STUM: variants seen among roughly 807,000 people sequenced by gnomAD.
STUM encodes the protein stum, mechanosensory transduction mediator homolog.
A neutral mutation model predicts 15.3 loss-of-function variants in STUM; 8 were observed. That is an observed-to-expected ratio of 0.52 (90% confidence interval 0.31 to 0.94). The LOEUF (loss-of-function observed/expected upper bound fraction) is 0.94. Among genes scored for constraint, STUM ranks in the 40% least tolerant of loss-of-function variants. The pLI is 0.05. For missense variants in STUM, 142 were observed against 204.9 expected (o/e 0.69, Z 1.87); for synonymous variants, 78 against 88.7 (o/e 0.88, Z 0.68).
intron 1 of STUM, among the ~76,000 whole-genome samples, chr1:226,590,487 C>G (rs1451361992): frequency 6.6e-6 from 1 of 152,180 alleles, no homozygotes; most frequent in African/African-American, 2.4e-5. Flanking sequence ...CCTCCCCTGT[C>G]CCCTTTGTGG....
At chr1:226,596,238 G>A (rs1400164902) in intron 1 of STUM, among the ~76,000 whole-genome samples, 2 of 150,724 alleles carry the variant, frequency 1.3e-5, no homozygotes, top group African/African-American at 4.9e-5. Flanking sequence ...ACCTGTCCTA[G>A]TCTGCGCCCT....
Position 226,600,589 on chromosome 1 carries a change from C to A in STUM, c.383-77C>A. The A allele has an allele frequency of 6.4e-7, 1 of 1,559,084 alleles. No individual in the cohort carries two copies. The highest frequency in any genetic ancestry group is 8.8e-7 in the Non-Finnish European group (1 of 1,137,354). ...TTCCTGTGCCAAGCGTTCCCTGTGG[C>A]TCTGTTTTCAGGCTGTGTTTTCTCT... On this transcript the variant is annotated intron_variant, in intron 2 of 3. Coordinates refer to ENST00000366788, the MANE Select transcript of STUM (RefSeq NM_001003665.4). The surrounding 1 kb of genome is among the most constrained non-coding windows in gnomAD (Gnocchi z 5.2).
chr1:226,600,578 G>A lies in STUM; in HGVS notation c.383-88G>A, dbSNP rs930127924. ...ATCTGCTTTGTTTCCTGTGCCAAGC[G>A]TTCCCTGTGGCTCTGTTTTCAGGCT... is the stretch of plus-strand genomic sequence containing the variant. On this transcript the variant is annotated intron_variant, in intron 2 of 3. Coordinates refer to ENST00000366788, the MANE Select transcript of STUM (RefSeq NM_001003665.4). This position sits in a 1 kb window ranked among gnomAD's most constrained non-coding sequence, Gnocchi z 5.2. The A allele has an allele frequency of 1.1e-5, 17 of 1,508,820 alleles. No homozygotes were observed. The highest frequency in any genetic ancestry group is 5.0e-5 in the Admixed American group (3 of 59,840). 93.5% of individuals were successfully genotyped at this position (1,508,820 alleles called of 1,614,324 possible).
chr1:226,553,286 G>C (rs1667397927), intron 1 of STUM, among the ~76,000 whole-genome samples: 1 of 152,176 alleles, frequency 6.6e-6, no homozygotes, highest in African/African-American at 2.4e-5. Flanking sequence ...AGAGAGTAGA[G>C]AGTATTATTA....
At chr1:226,551,490 C>T (rs145417530) in intron 1 of STUM, among the ~76,000 whole-genome samples, 2 of 152,222 alleles carry the variant, frequency 1.3e-5, no homozygotes, top group Admixed American at 6.5e-5. Context: ...GGTTTTATTG[C>T]CCCCCTTCCC....
chr1:226,589,670 A>G (rs1192930541), intron 1 of STUM, among the ~76,000 whole-genome samples: 2 of 152,116 alleles, frequency 1.3e-5, no homozygotes, highest in Non-Finnish European at 2.9e-5. Context: ...TTGACAATAC[A>G]GTTCATTACC....
At chr1:226,572,934 T>C (rs1667741947) in intron 1 of STUM, among the ~76,000 whole-genome samples, 1 of 152,194 alleles carries the variant, frequency 6.6e-6, no homozygotes, top group Non-Finnish European at 1.5e-5. Context: ...CCAGGTCCCA[T>C]GGTGGCAGAG....
At chr1:226,566,718 C>A (rs1667631500) in intron 1 of STUM, among the ~76,000 whole-genome samples, 1 of 152,192 alleles carries the variant, frequency 6.6e-6, no homozygotes. Flanking sequence ...GCCCTTTTAA[C>A]TGACTTTTTG....
At chr1:226,571,800 C>A (rs749170633) in intron 1 of STUM, among the ~76,000 whole-genome samples, 2 of 152,030 alleles carry the variant, frequency 1.3e-5, no homozygotes, top group Admixed American at 1.3e-4. Context: ...CCACCACCCT[C>A]AGCTAATTTT....
chr1:226,596,651 G>A, intron 1 of STUM, 151 bp from the exon 2 acceptor site: 1 of 669,658 alleles, frequency 1.5e-6, no homozygotes, highest in Non-Finnish European at 2.5e-6. Context: ...GTCTGGGCAG[G>A]GGTGCCACTC....
Position 226,549,638 on chromosome 1 carries a change from G to C in STUM, c.202+532G>C, listed in dbSNP as rs1485060769. On this transcript the variant is annotated intron_variant, in intron 1 of 3. Transcript: ENST00000366788. This position sits in a 1 kb window ranked among gnomAD's most constrained non-coding sequence, Gnocchi z 6.8. ...GTTCGCGGAGTGCGGACCGCGTGGGGACGAGAACTCTAGCCAGAGTCTCCT... is the reference window on the plus strand; with the variant it reads ...GTTCGCGGAGTGCGGACCGCGTGGGCACGAGAACTCTAGCCAGAGTCTCCT... Among the ~76,000 whole-genome samples, 1 of 152,226 alleles carries C rather than the reference G, an allele frequency of 6.6e-6. No homozygotes were observed. The highest frequency in any genetic ancestry group is 1.5e-5 in the Non-Finnish European group (1 of 68,052).
intron 1 of STUM, among the ~76,000 whole-genome samples, chr1:226,555,059 C>T (rs1169083640): frequency 1.3e-5 from 2 of 152,194 alleles, no homozygotes; most frequent in African/African-American, 4.8e-5. Flanking sequence ...TCCTGAAATG[C>T]TTTCTTTACT....
At position 226,550,045 on chromosome 1, in the gene STUM, C is replaced by T. The variant is rs941226518; in HGVS notation, c.202+939C>T. 3.9e-5 allele frequency among the ~76,000 whole-genome samples: 6 copies of T among 152,172 alleles called. No individual in the cohort carries two copies. In the South Asian group the frequency reaches 6.2e-4, roughly 16 times the overall value. On this transcript the variant is annotated intron_variant, in intron 1 of 3. Transcript: ENST00000366788. The stretch of plus-strand genomic sequence containing the variant: ...GCTGCTCCTGCGTGCTGGGAGGTGC[C>T]CCCCTCTCCCGTGCCCGCCCGAAGA...
At chr1:226,591,011 T>C (rs1571810784) in intron 1 of STUM, among the ~76,000 whole-genome samples, 1 of 152,236 alleles carries the variant, frequency 6.6e-6, no homozygotes, top group Non-Finnish European at 1.5e-5. Flanking sequence ...GGACTCAGCA[T>C]TGGCATATGG....
rs1667326338 is a variant in STUM, at chr1:226,549,159, G to A, written c.202+53G>A. On this transcript the variant is annotated intron_variant, in intron 1 of 3. Coordinates refer to ENST00000366788, the MANE Select transcript of STUM (RefSeq NM_001003665.4). This position sits in a 1 kb window ranked among gnomAD's most constrained non-coding sequence, Gnocchi z 6.8. ...GACCCCCACCCCGCCGCGGGAGGGC[G>A]TGGGGGGAGAGAAGGGCGCGGCCGG... 1 of 1,489,928 alleles carries A rather than the reference G, an allele frequency of 6.7e-7. No individual in the cohort carries two copies. Among genetic ancestry groups the A allele is most frequent in the Non-Finnish European group, 9.1e-7 (1 of 1,103,408 alleles). 92.3% of individuals were successfully genotyped at this position (1,489,928 alleles called of 1,614,324 possible).
intron 1 of STUM, among the ~76,000 whole-genome samples, chr1:226,556,085 C>T (rs563358709): frequency 1.5e-4 from 23 of 152,194 alleles, no homozygotes; most frequent in Non-Finnish European, 3.2e-4. Context: ...GGACCTGTCC[C>T]ATTTCAAGGG....
At chr1:226,582,459 G>A (rs4653758) in intron 1 of STUM, among the ~76,000 whole-genome samples, 29,133 of 151,902 alleles carry the variant, frequency 0.19, 2,985 homozygotes, top group South Asian at 0.35. Flanking sequence ...GCTGGGTGTG[G>A]TGGCGGGCAC....
intron 1 of STUM, among the ~76,000 whole-genome samples, chr1:226,587,960 C>T (rs1198816796): frequency 1.3e-5 from 2 of 152,144 alleles, no homozygotes; most frequent in Admixed American, 1.3e-4. Context: ...GCAGTGTGAC[C>T]TCACTATGGT....
intron 1 of STUM, among the ~76,000 whole-genome samples, chr1:226,556,633 A>G (rs1460228097): frequency 1.3e-5 from 2 of 152,212 alleles, no homozygotes; most frequent in African/African-American, 4.8e-5. Flanking sequence ...AGGAGGTTTC[A>G]GACCTAATTC....
Sources: gnomAD v4.1 joint callset for allele counts (sites outside exome capture counted in the v4.1 genomes callset) on GRCh38, gnomAD v4.1.1 for gene constraint, Gnocchi (gnomAD v3.1) non-coding constraint, MANE v1.5 for transcripts, NCBI Gene and HGNC (gene_info 2026-07-23, HGNC 2026-07-21) for gene names.